FLT3: variants seen among roughly 807,000 people sequenced by gnomAD.
FLT3 encodes receptor-type tyrosine-protein kinase FLT3.
Under a neutral mutation model 126.6 loss-of-function variants are expected in FLT3, and 46 were observed. That is an observed-to-expected ratio of 0.36 (90% CI 0.29 to 0.46). FLT3 has a LOEUF of 0.46. Among genes scored for constraint, FLT3 ranks in the 20% least tolerant of loss-of-function variants. FLT3 has a pLI of 1.00. For synonymous variants in FLT3, 404 were observed against 434.4 expected (o/e 0.93, Z 0.87); for missense variants, 1,069 against 1,190.3 (o/e 0.90, Z 1.50).
chr13:28,063,280 A>G (rs551619026), intron 2 of FLT3, among the ~76,000 whole-genome samples: 8 of 152,090 alleles, frequency 5.3e-5, no homozygotes, highest in Non-Finnish European at 1.0e-4. Context: ...GGAGTTCGAG[A>G]CCAGCCTGGC....
intron 1 of FLT3, among the ~76,000 whole-genome samples, chr13:28,078,787 C>A (rs916972634): frequency 6.6e-6 from 1 of 151,486 alleles, no homozygotes; most frequent in African/African-American, 2.4e-5. Flanking sequence ...CACTTTGGCT[C>A]ACCACAACCT....
chr13:28,062,534 G>C (rs1271030867), intron 2 of FLT3, among the ~76,000 whole-genome samples: 1 of 152,096 alleles, frequency 6.6e-6, no homozygotes, highest in East Asian at 1.9e-4. Flanking sequence ...CTTGAAGTCA[G>C]GAATTCAAGA....
chr13:28,054,846 C>T (rs1369205965), intron 4 of FLT3, among the ~76,000 whole-genome samples: 1 of 152,154 alleles, frequency 6.6e-6, no homozygotes, highest in Non-Finnish European at 1.5e-5. Context: ...CTAAGTTTAT[C>T]TTTTAACATG....
At chr13:28,072,537 C>T (rs73154877) in intron 1 of FLT3, among the ~76,000 whole-genome samples, 26,852 of 151,910 alleles carry the variant, frequency 0.18, 2,439 homozygotes, top group Middle Eastern at 0.26. Context: ...GCTGGGATCA[C>T]GGGTGTGCGC....
At chr13:28,031,359 T>A (rs1188199337) in intron 15 of FLT3, among the ~76,000 whole-genome samples, 2 of 150,954 alleles carry the variant, frequency 1.3e-5, no homozygotes, top group East Asian at 3.9e-4. Context: ...TGAAGAAAAA[T>A]GGGAGCTGGC....
intron 15 of FLT3, among the ~76,000 whole-genome samples, chr13:28,030,941 G>A (rs537937648): frequency 6.6e-5 from 10 of 151,360 alleles, no homozygotes; most frequent in African/African-American, 9.7e-5. Flanking sequence ...AAAATGCAAC[G>A]TTGGGCTGGG....
chr13:28,060,597 G>A (rs1876460573), intron 3 of FLT3, among the ~76,000 whole-genome samples: 1 of 151,856 alleles, frequency 6.6e-6, no homozygotes, highest in South Asian at 2.1e-4. Flanking sequence ...TAACTTAATA[G>A]ACTTGTTTCT....
chr13:28,049,587 A>G (rs1875243430), intron 7 of FLT3, 48 bp downstream of exon 7: 1 of 1,612,980 alleles, frequency 6.2e-7, no homozygotes, highest in Non-Finnish European at 8.5e-7. Context: ...AATCCAGACT[A>G]TTAGTTAATT....
Position 28,052,011 on chromosome 13 carries a change from G to A in FLT3, c.614+534C>T, listed in dbSNP as rs542250641. Among the ~76,000 whole-genome samples the A allele has an allele frequency of 3.3e-5, 5 of 151,916 alleles. No individual in the cohort carries two copies. The South Asian group carries it at 1.0e-3, about 32-fold the overall frequency. ...CAGTTGATTTGAGGGGTTCCAAAAA[G>A]CCCCTTACCAAAAAAATCCTTGTCC... On this transcript the variant is annotated intron_variant, in intron 5 of 23. Transcript: ENST00000241453.
chr13:28,015,288 C>T lies in FLT3; in HGVS notation c.2654-32G>A, dbSNP rs940740136. On this transcript the variant is annotated intron_variant, in intron 21 of 23. Transcript: ENST00000241453. ...AAAACATTAGACAATTGCAGCCATT[C>T]ATCCATTTCTTCATTTGTTTATTGA... 2.3e-6 allele frequency: 3 copies of T among 1,324,750 alleles called. No individual in the cohort carries two copies. In the African/African-American group the frequency reaches 4.3e-5, roughly 19 times the overall value. The allele number at this position is 1,324,750 out of a possible 1,614,324, so 82.1% of individuals were successfully genotyped here. A position where few individuals can be genotyped will look rare whatever the true frequency, so the allele number is the denominator to read the frequency against.
intron 19 of FLT3, among the ~76,000 whole-genome samples, chr13:28,019,681 G>A (rs1297347251): frequency 6.6e-6 from 1 of 152,156 alleles, no homozygotes; most frequent in Non-Finnish European, 1.5e-5. Context: ...TGCCCAAGCT[G>A]CTCTGGCCGA....
At chr13:28,062,867 C>G (rs1876696079) in intron 2 of FLT3, among the ~76,000 whole-genome samples, 1 of 152,040 alleles carries the variant, frequency 6.6e-6, no homozygotes. Flanking sequence ...TGCTCACTGC[C>G]CTTAGAAGGA....
chr13:28,089,526 C>T (rs1186401269), intron 1 of FLT3, among the ~76,000 whole-genome samples: 4 of 151,966 alleles, frequency 2.6e-5, no homozygotes, highest in African/African-American at 7.3e-5. Context: ...CTACTCAGCA[C>T]CAGAAAGAAA....
In FLT3 at chr13:28,100,441, GC is replaced by G. The variant is rs1879756149; in HGVS notation, c.43+26del. On this transcript the variant is annotated intron_variant, in intron 1 of 23. Coordinates refer to ENST00000241453, the MANE Select transcript of FLT3 (RefSeq NM_004119.3). This position sits in a 1 kb window ranked among gnomAD's most constrained non-coding sequence, Gnocchi z 4.8. ...GGTGGGGGCTGAGGGACCGCGAGGGGCTGCGAGCGAGCGAGCGGGGCCTTAC... is the reference window on the plus strand; with the variant it reads ...GGTGGGGGCTGAGGGACCGCGAGGGGTGCGAGCGAGCGAGCGGGGCCTTAC... 2 of 1,215,542 alleles carry G rather than the reference GC, an allele frequency of 1.6e-6. No individual in the cohort carries two copies. 75.3% of individuals were successfully genotyped at this position (1,215,542 alleles called of 1,614,324 possible).
chr13:28,003,847 C>A lies in FLT3; in HGVS notation c.*205G>T. 1 of 597,380 alleles carries A rather than the reference C, an allele frequency of 1.7e-6. No individual in the cohort carries two copies. Among genetic ancestry groups the A allele is most frequent in the South Asian group, 2.1e-5 (1 of 47,496 alleles). The allele number at this position is 597,380 out of a possible 1,614,324, so 37.0% of individuals were successfully genotyped here. Reference sequence around the variant, plus strand: ...GCTCCAATAAAGTTCATTATCAGCTCCTCCTGCCTTGTGACAGGATGATTT... The same window carrying A: ...GCTCCAATAAAGTTCATTATCAGCTACTCCTGCCTTGTGACAGGATGATTT... On this transcript the variant is annotated 3_prime_UTR_variant, in exon 24 of 24. Coordinates refer to ENST00000241453, the MANE Select transcript of FLT3 (RefSeq NM_004119.3).
intron 8 of FLT3, 108 bp downstream of exon 8, chr13:28,049,276 G>T: frequency 9.9e-7 from 1 of 1,015,034 alleles, no homozygotes; most frequent in Non-Finnish European, 1.5e-6. Flanking sequence ...CTTTCTTAGT[G>T]TTTGATAGTA....
chr13:28,047,109 G>C (rs929306790), intron 9 of FLT3, among the ~76,000 whole-genome samples: 2 of 152,088 alleles, frequency 1.3e-5, no homozygotes, highest in African/African-American at 4.8e-5. Context: ...AAAAAGCAGA[G>C]TCTGAGCGTT....
rs777964531 is a variant in FLT3, at chr13:28,049,792, C to A, written c.743-18G>T. 1 of 1,595,946 alleles carries A rather than the reference C, an allele frequency of 6.3e-7. No homozygotes were observed. Among genetic ancestry groups the A allele is most frequent in the South Asian group, 1.1e-5 (1 of 88,042 alleles). On this transcript the variant is annotated intron_variant, in intron 6 of 23. Coordinates refer to ENST00000241453, the MANE Select transcript of FLT3 (RefSeq NM_004119.3). ...ATTTAGATCTAGGAGATGAAAACATCCCAAGTGAGAAAAAAAAAGTGATTT... is the reference window on the plus strand; with the variant it reads ...ATTTAGATCTAGGAGATGAAAACATACCAAGTGAGAAAAAAAAAGTGATTT...
intron 23 of FLT3, among the ~76,000 whole-genome samples, chr13:28,012,710 G>A (rs776189430): frequency 9.9e-5 from 15 of 152,060 alleles, no homozygotes; most frequent in Non-Finnish European, 2.1e-4. Context: ...TGAGGCAGGT[G>A]GACCACTTGA....
Sources: allele counts gnomAD v4.1 joint callset (sites outside exome capture counted in the v4.1 genomes callset), GRCh38; gene constraint gnomAD v4.1.1; non-coding constraint Gnocchi (gnomAD v3.1); transcripts MANE v1.5; gene names NCBI Gene and HGNC (gene_info 2026-07-23, HGNC 2026-07-21).